MYNN: variants seen among roughly 807,000 people sequenced by gnomAD.
MYNN encodes zinc finger and BTB domain-containing protein 31.
Under a neutral mutation model 57.2 loss-of-function variants are expected in MYNN, and 22 were observed. That is an observed-to-expected ratio of 0.38 (90% CI 0.27 to 0.55). The LOEUF is 0.55. Among genes scored for constraint, MYNN ranks in the 20% least tolerant of loss-of-function variants. MYNN has a pLI of 0.71. For missense variants in MYNN, 566 were observed against 723.1 expected (o/e 0.78, Z 2.49); for synonymous variants, 241 against 257.1 (o/e 0.94, Z 0.60).
chr3:169,783,273 G>A (rs1778571473), intron 5 of MYNN, among the ~76,000 whole-genome samples: 2 of 151,922 alleles, frequency 1.3e-5, no homozygotes, highest in African/African-American at 4.8e-5. Context: ...GAGGAATAAA[G>A]TTTTAATATA....
At chr3:169,784,072 T>A (rs1404218951) in intron 6 of MYNN, among the ~76,000 whole-genome samples, 1 of 152,044 alleles carries the variant, frequency 6.6e-6, no homozygotes, top group Non-Finnish European at 1.5e-5. Context: ...TTCTCATAAT[T>A]CCTACCTAGA....
intron 1 of MYNN, 139 bp downstream of exon 1, chr3:169,773,601 G>C (rs1778240274): frequency 6.5e-6 from 1 of 152,954 alleles, no homozygotes; most frequent in Admixed American, 6.5e-5. Context: ...GGGTGGCCTG[G>C]GCCACAACCT....
intron 2 of MYNN, 37 bp from the exon 3 acceptor site, chr3:169,778,731 G>A: frequency 6.6e-7 from 1 of 1,521,948 alleles, no homozygotes; most frequent in Non-Finnish European, 8.8e-7. Context: ...GTTTTTCTTT[G>A]ATCAGAATAT....
In MYNN at chr3:169,780,632, C is replaced by A; in HGVS notation, c.1103C>A (p.Ala368Asp). The stretch of plus-strand genomic sequence containing the variant: ...TGTGAATTGTGTGATAAAGGATTTG[C>A]TCAGAAATGTCAGCTAGTCTTCCAT... ...YKCELCDKGF[A>D]QKCQLVFHSR... The change falls in exon 4 of 8, where the codon GCT becomes GAT. Residue 368 changes from alanine to aspartate, a missense_variant. Coordinates refer to ENST00000349841, the MANE Select transcript of MYNN (RefSeq NM_018657.5). 1 of 1,611,666 alleles carries A rather than the reference C, an allele frequency of 6.2e-7. No individual in the cohort carries two copies. Among genetic ancestry groups the A allele is most frequent in the Non-Finnish European group, 8.5e-7 (1 of 1,179,130 alleles).
intron 4 of MYNN, among the ~76,000 whole-genome samples, chr3:169,781,984 T>C (rs1778532251): frequency 6.6e-6 from 1 of 152,120 alleles, no homozygotes; most frequent in South Asian, 2.1e-4. Flanking sequence ...ATGGATGATG[T>C]AGGACTGGGG....
In MYNN at chr3:169,779,641, A is replaced by G. The variant is rs34022516; in HGVS notation, c.1060+80A>G. 62 of 1,332,000 alleles carry G rather than the reference A, an allele frequency of 4.7e-5. 1 individual carries two copies. The East Asian group carries it at 7.3e-4, about 16-fold the overall frequency. The allele number at this position is 1,332,000 out of a possible 1,614,324, so 82.5% of individuals were successfully genotyped here. A position where few individuals can be genotyped will look rare whatever the true frequency, so the allele number is the denominator to read the frequency against. ...TTTTTATAGAGAGTACTTAGCACAC[A>G]CTACTTGTGACCAGAATTTGGTATA... On this transcript the variant is annotated intron_variant, in intron 3 of 7. Coordinates refer to ENST00000349841, the MANE Select transcript of MYNN (RefSeq NM_018657.5).
Position 169,779,320 on chromosome 3 carries a change from T to C in MYNN, c.819T>C (p.Ser273=). The C allele has an allele frequency of 6.2e-7, 1 of 1,614,160 alleles. No individual in the cohort carries two copies. Among genetic ancestry groups the C allele is most frequent in the South Asian group, 1.1e-5 (1 of 91,088 alleles). The change falls in exon 3 of 8, where the codon TCT becomes TCC. Residue 273 remains serine, a synonymous_variant. Transcript: ENST00000349841. Reference sequence around the variant, plus strand: ...CAAACTGTGCTCTGAAAGAACACTCTATGTCTAATATAGCCAGCGTCAAGA... The same window carrying C: ...CAAACTGTGCTCTGAAAGAACACTCCATGTCTAATATAGCCAGCGTCAAGA... ...SQPNCALKEH[S]MSNIASVKSP... is the part of the protein sequence containing the mutation.
chr3:169,780,804 A>G (rs1381143153), intron 4 of MYNN, 55 bp downstream of exon 4: 9 of 1,325,960 alleles, frequency 6.8e-6, no homozygotes, highest in Non-Finnish European at 9.3e-6. Flanking sequence ...CCATAGTCTT[A>G]TGAATAGACT....
At chr3:169,775,429 T>C (rs1270767591) in intron 2 of MYNN, among the ~76,000 whole-genome samples, 1 of 152,226 alleles carries the variant, frequency 6.6e-6, no homozygotes. Context: ...TGAACATGAA[T>C]AGACTGTTCA....
chr3:169,784,864 T>C (rs1778626660), intron 7 of MYNN, among the ~76,000 whole-genome samples, 156 bp downstream of exon 7: 1 of 151,524 alleles, frequency 6.6e-6, no homozygotes, highest in Non-Finnish European at 1.5e-5. Context: ...GAAAGTAGCT[T>C]TTTTGCAGAA....
In MYNN at chr3:169,784,605, T is replaced by C; in HGVS notation, c.1484-17T>C. 6.8e-7 allele frequency: 1 copy of C among 1,473,374 alleles called. No homozygotes were observed. Among genetic ancestry groups the C allele is most frequent in the Non-Finnish European group, 9.3e-7 (1 of 1,079,330 alleles). The allele number at this position is 1,473,374 out of a possible 1,614,324, so 91.3% of individuals were successfully genotyped here. A position where few individuals can be genotyped will look rare whatever the true frequency, so the allele number is the denominator to read the frequency against. On this transcript the variant is annotated splice_polypyrimidine_tract_variant and intron_variant, in intron 6 of 7. Transcript: ENST00000349841. ...CTTTTAAAATATTGAAATTTAAACTTCTAATTTGTTTTTCAGGAGAAAGAC... is the reference window on the plus strand; with the variant it reads ...CTTTTAAAATATTGAAATTTAAACTCCTAATTTGTTTTTCAGGAGAAAGAC...
intron 4 of MYNN, among the ~76,000 whole-genome samples, chr3:169,781,698 A>T (rs1161378906): frequency 1.3e-5 from 2 of 152,202 alleles, no homozygotes; most frequent in African/African-American, 4.8e-5. Context: ...GGAGTGGTCA[A>T]TTGTAAAATT....
chr3:169,779,060 A>C lies in MYNN; in HGVS notation c.559A>C (p.Asn187His), dbSNP rs1489993539. Residue 187 changes from asparagine to histidine, a missense_variant, in exon 3 of 8, where the codon AAC becomes CAC. Around this residue, in one of 4 missense-constraint regions of MYNN, gnomAD observed 261 missense variants for 280.8 expected, o/e 0.93. Transcript: ENST00000349841. The stretch of plus-strand genomic sequence containing the variant: ...AACGAAAAAGAAGAAGAAGGCTTTC[A>C]ACTCCCCGAAAACAGGGCAGAATAA... ...SQTKKKKKAF[N>H]SPKTGQNKTV... is the part of the protein sequence containing the mutation. 6.2e-7 allele frequency: 1 copy of C among 1,614,154 alleles called. No homozygotes were observed. The highest frequency in any genetic ancestry group is 2.2e-5 in the East Asian group (1 of 44,892).
Position 169,786,692 on chromosome 3 carries a change from A to G in MYNN, c.*14A>G, listed in dbSNP as rs752982391. On this transcript the variant is annotated 3_prime_UTR_variant, in exon 8 of 8. Coordinates refer to ENST00000349841, the MANE Select transcript of MYNN (RefSeq NM_018657.5). ...CAATTATACTGACTTTGTAAGGAAT[A>G]TGGAATTGCTAAGATATCATTGGTA... is the stretch of plus-strand genomic sequence containing the variant. 5.0e-6 allele frequency: 8 copies of G among 1,606,950 alleles called. No homozygotes were observed. Among genetic ancestry groups the G allele is most frequent in the Middle Eastern group, 2.0e-4 (1 of 4,976 alleles).
intron 7 of MYNN, among the ~76,000 whole-genome samples, chr3:169,786,129 G>A (rs920526876): frequency 3.3e-5 from 5 of 152,062 alleles, no homozygotes; most frequent in African/African-American, 1.2e-4. Context: ...CCACAAGGCA[G>A]TATATGAAAA....
Position 169,780,878 on chromosome 3 carries a change from T to C in MYNN, c.1220+129T>C, listed in dbSNP as rs116162796. 976 of 822,554 alleles carry C rather than the reference T, an allele frequency of 1.2e-3. 10 individuals are homozygous for C. The African/African-American group carries it at 0.016, about 13-fold the overall frequency. 51.0% of individuals were successfully genotyped at this position (822,554 alleles called of 1,614,324 possible). A position where few individuals can be genotyped will look rare whatever the true frequency, so the allele number is the denominator to read the frequency against. On this transcript the variant is annotated intron_variant, in intron 4 of 7. Transcript: ENST00000349841. ...GTTCCACCAAACAATGTTAACACGT[T>C]CAAGGAACCACAAGGAAGCCACAGT...
At chr3:169,785,196 T>C (rs993651253) in intron 7 of MYNN, among the ~76,000 whole-genome samples, 3 of 151,972 alleles carry the variant, frequency 2.0e-5, no homozygotes, top group South Asian at 2.1e-4. Flanking sequence ...TTTGAGTCTA[T>C]TGGTTAAAGT....
chr3:169,787,151 A>G lies in MYNN; in HGVS notation c.*473A>G, dbSNP rs370707485. 1 of 152,850 alleles carries G rather than the reference A, an allele frequency of 6.5e-6. No individual in the cohort carries two copies. Among genetic ancestry groups the G allele is most frequent in the Non-Finnish European group, 1.5e-5 (1 of 68,208 alleles). The allele number at this position is 152,850 out of a possible 1,614,324, so 9.5% of individuals were successfully genotyped here. On this transcript the variant is annotated 3_prime_UTR_variant, in exon 8 of 8. Transcript: ENST00000349841. ...AAACTATGCATAAAAATAAAATTTC[A>G]TATTTTCGCTCGTAAAAATTTAGGC...
chr3:169,777,887 T>TAGAG (rs1161039523), intron 2 of MYNN: 1 of 152,180 alleles, frequency 6.6e-6, no homozygotes, highest in African/African-American at 2.4e-5. Flanking sequence ...AAAACCTTGT[T>TAGAG]CCTCTAAGTG....
Sources: gnomAD v4.1 joint callset for allele counts (sites outside exome capture counted in the v4.1 genomes callset) on GRCh38, gnomAD v4.1.1 for gene constraint, gnomAD v4.1.1 regional missense constraint, MANE v1.5 for transcripts, NCBI Gene and HGNC (gene_info 2026-07-23, HGNC 2026-07-21) for gene names.